The following TTLL7 variants were observed in gnomAD, a reference collection of about 807,000 sequenced individuals.
TTLL7 encodes the protein tubulin polyglutamylase TTLL7.
Under a neutral mutation model 120.2 loss-of-function variants are expected in TTLL7, and 53 were observed. That is an observed-to-expected ratio of 0.44 (90% confidence interval 0.35 to 0.55). The LOEUF (loss-of-function observed/expected upper bound fraction) is 0.55, where lower values mean the gene tolerates loss of function less well. Among genes scored for constraint, TTLL7 ranks in the 20% least tolerant of loss-of-function variants. TTLL7 has a pLI of 0.00. For synonymous variants in TTLL7, 353 were observed against 351.7 expected, an observed-to-expected ratio of 1.00 and a Z score of -0.04; for missense variants, 803 against 1,054.7, an observed-to-expected ratio of 0.76 and a Z score of 3.31.
At chr1:83,882,927 T>C (rs201276719) in intron 20 of TTLL7, 36 bp downstream of exon 20, 2 of 1,592,108 alleles carry the variant, frequency 1.3e-6, no homozygotes, top group South Asian at 1.2e-5. Flanking sequence ...TTACTTTACA[T>C]AAAACTCTCA....
intron 8 of TTLL7, among the ~76,000 whole-genome samples, chr1:83,935,034 G>T (rs1187194565): frequency 1.3e-5 from 2 of 152,082 alleles, no homozygotes; most frequent in Non-Finnish European, 2.9e-5. Context: ...TAAAAGGGAA[G>T]ACAGAAGTTA....
At chr1:83,878,583 G>A (rs1179912724) in intron 20 of TTLL7, among the ~76,000 whole-genome samples, 2 of 151,742 alleles carry the variant, frequency 1.3e-5, no homozygotes, top group Admixed American at 6.6e-5. Context: ...ACAGGTACTG[G>A]GTTAGCAAGT....
chr1:83,915,459 A>T (rs1395295218), intron 14 of TTLL7, among the ~76,000 whole-genome samples: 7 of 152,162 alleles, frequency 4.6e-5, no homozygotes, highest in African/African-American at 1.2e-4. Context: ...CTGAAACTGG[A>T]CCCCTTCCTT....
At chr1:83,939,016 T>A (rs1196636747) in intron 7 of TTLL7, among the ~76,000 whole-genome samples, 1 of 152,216 alleles carries the variant, frequency 6.6e-6, no homozygotes, top group Non-Finnish European at 1.5e-5. Flanking sequence ...TACATGTTGT[T>A]TATTAATCCA....
intron 15 of TTLL7, among the ~76,000 whole-genome samples, chr1:83,910,180 T>C (rs145249444): frequency 7.7e-4 from 117 of 152,278 alleles, no homozygotes; most frequent in African/African-American, 2.1e-3. Flanking sequence ...GGTTCTTTAT[T>C]CCTCATGCAT....
At chr1:83,881,294 G>A (rs1654442180) in intron 20 of TTLL7, among the ~76,000 whole-genome samples, 1 of 150,516 alleles carries the variant, frequency 6.6e-6, no homozygotes, top group Non-Finnish European at 1.5e-5. Context: ...TACCATCAGA[G>A]TGAACAGGCA....
chr1:83,871,320 A>C (rs1235903615), intron 20 of TTLL7, among the ~76,000 whole-genome samples: 1 of 152,186 alleles, frequency 6.6e-6, no homozygotes, highest in Non-Finnish European at 1.5e-5. Flanking sequence ...CACCTGTAGA[A>C]TCTGTTTTCC....
chr1:83,907,564 A>G lies in TTLL7; in HGVS notation c.1884T>C (p.Ser628=). ...GAGATGCAGAAGTTGGCCGTGACACAGATATCATTTGTTGAGCAGAAAATG... is the reference window on the plus strand; with the variant it reads ...GAGATGCAGAAGTTGGCCGTGACACGGATATCATTTGTTGAGCAGAAAATG... ...TRPFSAQQMI[S]VSRPTSASRS... The change falls in exon 16 of 21, where the codon TCT becomes TCC. Residue 628 remains serine (S), a synonymous_variant. Transcript: ENST00000260505. The G allele has an allele frequency of 1.2e-6, 2 of 1,613,448 alleles. No individual in the cohort carries two copies. The highest frequency in any genetic ancestry group is 1.7e-6 in the Non-Finnish European group (2 of 1,179,574).
chr1:83,987,593 G>A (rs567044172), intron 1 of TTLL7, among the ~76,000 whole-genome samples: 2 of 152,178 alleles, frequency 1.3e-5, no homozygotes, highest in South Asian at 2.1e-4. Flanking sequence ...AAGGAGGAAA[G>A]GAATTAGTAA....
At chr1:83,953,378 CA>C (rs1649238666) in intron 1 of TTLL7, among the ~76,000 whole-genome samples, 1 of 152,074 alleles carries the variant, frequency 6.6e-6, no homozygotes, top group Non-Finnish European at 1.5e-5. Context: ...ATAATATCAA[CA>C]CCTTTATTAG....
At chr1:83,975,902 G>A (rs1305029850) in intron 1 of TTLL7, among the ~76,000 whole-genome samples, 1 of 151,910 alleles carries the variant, frequency 6.6e-6, no homozygotes, top group South Asian at 2.1e-4. Flanking sequence ...AATCAATTTG[G>A]TGAGTCTCAA....
chr1:83,892,407 T>TATATACGAATATATATGAAC (rs1655639311), intron 18 of TTLL7, among the ~76,000 whole-genome samples: 1 of 127,250 alleles, frequency 7.9e-6, no homozygotes, highest in Non-Finnish European at 1.7e-5. Flanking sequence ...TATATGAACA[T>TATATACGAATATATATGAAC]ATATATGAAC....
intron 9 of TTLL7, 119 bp from the exon 10 acceptor site, chr1:83,929,349 A>T (rs1348066519): frequency 1.6e-6 from 1 of 633,112 alleles, no homozygotes; most frequent in African/African-American, 1.9e-5. Context: ...AAAGCTTTAC[A>T]TGGCAGATGG....
Position 83,867,240 on chromosome 1 carries a change from C to T in TTLL7, c.*2722G>A, listed in dbSNP as rs1652975871. The T allele has an allele frequency of 6.6e-6, 1 of 151,928 alleles. No homozygotes were observed. Among genetic ancestry groups the T allele is most frequent in the Non-Finnish European group, 1.5e-5 (1 of 67,900 alleles). The allele number at this position is 151,928 out of a possible 1,614,324, so 9.4% of individuals were successfully genotyped here. A position where few individuals can be genotyped will look rare whatever the true frequency, so the allele number is the denominator to read the frequency against. ...CCTCTAAATCATTTCCATGGCCTCC[C>T]AACACTTCCATGGTTTATTGTTGTG... On this transcript the variant is annotated 3_prime_UTR_variant, in exon 21 of 21. Transcript: ENST00000260505.
intron 1 of TTLL7, among the ~76,000 whole-genome samples, chr1:83,974,392 C>A (rs527782652): frequency 1.3e-5 from 2 of 151,972 alleles, no homozygotes; most frequent in South Asian, 4.2e-4. Flanking sequence ...ATAAATCATT[C>A]TTTAAAATGT....
chr1:83,882,851 G>A, intron 20 of TTLL7, 112 bp downstream of exon 20: 1 of 1,241,934 alleles, frequency 8.1e-7, no homozygotes. Context: ...TGAACTTTCA[G>A]TCTTTAGCTT....
At chr1:83,878,691 T>A (rs961489109) in intron 20 of TTLL7, among the ~76,000 whole-genome samples, 4 of 151,998 alleles carry the variant, frequency 2.6e-5, no homozygotes, top group African/African-American at 9.7e-5. Context: ...AAAGCAGAAG[T>A]GCTAACTTGG....
intron 18 of TTLL7, among the ~76,000 whole-genome samples, chr1:83,898,613 T>C (rs907680403): frequency 2.6e-5 from 4 of 151,946 alleles, no homozygotes; most frequent in Non-Finnish European, 5.9e-5. Context: ...CATTATTATA[T>C]TAGCTCTTAT....
intron 13 of TTLL7, among the ~76,000 whole-genome samples, 165 bp from the exon 14 acceptor site, chr1:83,917,855 T>C (rs1658325510): frequency 6.6e-6 from 1 of 152,162 alleles, no homozygotes; most frequent in African/African-American, 2.4e-5. Context: ...CAAATTCTCT[T>C]GAAACTTTCA....
Sources: gnomAD v4.1 joint callset for allele counts (sites outside exome capture counted in the v4.1 genomes callset) on GRCh38, gnomAD v4.1.1 for gene constraint, MANE v1.5 for transcripts, NCBI Gene and HGNC (gene_info 2026-07-23, HGNC 2026-07-21) for gene names.